SCAMP1: variants seen among roughly 807,000 people sequenced by gnomAD.
The protein encoded by SCAMP1 is secretory carrier membrane protein 1.
SCAMP1 carries 15 observed loss-of-function variants against 41.8 expected under a neutral mutation model. The observed-to-expected ratio is 0.36, with a 90% confidence interval of 0.24 to 0.55. SCAMP1 has a LOEUF of 0.55. Ranked by LOEUF, SCAMP1 falls within the 20% of genes least tolerant of loss-of-function variation. The pLI is 0.86. For missense variants in SCAMP1, 341 were observed against 412.6 expected, an observed-to-expected ratio of 0.83 and a Z score of 1.50; for synonymous variants, 135 against 136.8, an observed-to-expected ratio of 0.99 and a Z score of 0.09.
Position 78,480,603 on chromosome 5 carries a change from A to G in SCAMP1, c.*4935A>G, listed in dbSNP as rs2112269652. On this transcript the variant is annotated 3_prime_UTR_variant, in exon 9 of 9. Transcript: ENST00000621999. ...TCTACAGTATTCTAGTCTCCTGCAC[A>G]AAAACTGAACCCACTGGGCCTATGC... Among the ~76,000 whole-genome samples the G allele has an allele frequency of 6.6e-6, 1 of 152,318 alleles. No individual in the cohort carries two copies. Among genetic ancestry groups the G allele is most frequent in the African/African-American group, 2.4e-5 (1 of 41,560 alleles).
At chr5:78,362,526 T>C (rs1005956729) in intron 1 of SCAMP1, among the ~76,000 whole-genome samples, 4 of 152,264 alleles carry the variant, frequency 2.6e-5, no homozygotes, top group African/African-American at 9.6e-5. Context: ...CATAACGTTA[T>C]AAATCTTTTT....
chr5:78,464,938 C>T lies in SCAMP1; in HGVS notation c.852+5576C>T, dbSNP rs548095244. Among the ~76,000 whole-genome samples, 561 of 152,258 alleles carry T rather than the reference C, an allele frequency of 3.7e-3. 3 individuals are homozygous for T. The highest frequency in any genetic ancestry group is 0.015 in the South Asian group (73 of 4,816). Reference sequence around the variant, plus strand: ...TCTATTCTTGTCAGACTGTACTGCTCGGTTTCTTCAAATACATCATGTACA... The same window carrying T: ...TCTATTCTTGTCAGACTGTACTGCTTGGTTTCTTCAAATACATCATGTACA... On this transcript the variant is annotated intron_variant, in intron 8 of 8. Transcript: ENST00000621999.
At chr5:78,453,088 C>G (rs1753283584) in intron 7 of SCAMP1, among the ~76,000 whole-genome samples, 1 of 149,596 alleles carries the variant, frequency 6.7e-6, no homozygotes, top group Admixed American at 6.6e-5. Flanking sequence ...GATATTAGCC[C>G]TTTGTCAGAC....
At chr5:78,416,434 G>GT (rs1258954844) in intron 3 of SCAMP1, 107 bp from the exon 4 acceptor site, 1 of 736,296 alleles carries the variant, frequency 1.4e-6, no homozygotes, top group African/African-American at 1.8e-5. Context: ...TTGGAAGTGT[G>GT]TTTGAATTAG....
In SCAMP1 at chr5:78,460,782, T is replaced by G. The variant is rs938477566; in HGVS notation, c.852+1420T>G. ...CTTCCTTCCTTCCTTCCTTCCTTCC[T>G]TCCTTCCTTCCTTCCTTCCTTCCTC... is the stretch of plus-strand genomic sequence containing the variant. On this transcript the variant is annotated intron_variant, in intron 8 of 8. Transcript: ENST00000621999. Among the ~76,000 whole-genome samples, 189 of 44,992 alleles carry G rather than the reference T, an allele frequency of 4.2e-3. 2 individuals carry two copies. Among genetic ancestry groups the G allele is most frequent in the African/African-American group, 0.022 (143 of 6,460 alleles). The allele number at this position is 44,992 out of a possible 152,430, so 29.5% of individuals were successfully genotyped here.
chr5:78,433,529 G>A (rs1275910784), intron 6 of SCAMP1, among the ~76,000 whole-genome samples: 1 of 152,086 alleles, frequency 6.6e-6, no homozygotes, highest in South Asian at 2.1e-4. Context: ...ATTGATCTGG[G>A]TTTGGGTTTT....
At chr5:78,408,532 TATCTTGTCCATG>T (rs1751990324) in intron 2 of SCAMP1, among the ~76,000 whole-genome samples, 1 of 152,178 alleles carries the variant, frequency 6.6e-6, no homozygotes, top group South Asian at 2.1e-4. Flanking sequence ...GATGTTGGAT[TATCTTGTCCATG>T]TGGGTAGTGG....
rs3058233 is a variant in SCAMP1 at position 78,404,453 on chromosome 5, G to GTTTTTTTTTTTTTTT, written c.136-11061_136-11047dup. Among the ~76,000 whole-genome samples the GTTTTTTTTTTTTTTT allele has an allele frequency of 1.4e-3, 140 of 98,164 alleles. 12 individuals are homozygous for GTTTTTTTTTTTTTTT. Among genetic ancestry groups the GTTTTTTTTTTTTTTT allele is most frequent in the African/African-American group, 5.9e-3 (132 of 22,224 alleles). 64.4% of individuals were successfully genotyped at this position (98,164 alleles called of 152,430 possible). A position where few individuals can be genotyped will look rare whatever the true frequency, so the allele number is the denominator to read the frequency against. ...TGAGCCACTGTGCCCAGCCTTACAG[G>GTTTTTTTTTTTTTTT]TTTTTTTTTTTTTTTTTTTTGCTAG... On this transcript the variant is annotated intron_variant, in intron 2 of 8. Transcript: ENST00000621999.
rs149206595 is a variant in SCAMP1 at position 78,377,516 on chromosome 5, C to A, written c.58-11321C>A. Among the ~76,000 whole-genome samples the A allele has an allele frequency of 1.8e-3, 267 of 152,244 alleles. 2 individuals carry two copies. In the Middle Eastern group the frequency reaches 0.051, roughly 29 times the overall value. The stretch of plus-strand genomic sequence containing the variant: ...TCGTGTCCAATTCTAAAGATAGTTG[C>A]CTTTGGCACAGAGGCCAGTTTCTTA... On this transcript the variant is annotated intron_variant, in intron 1 of 8. Transcript: ENST00000621999.
intron 6 of SCAMP1, among the ~76,000 whole-genome samples, chr5:78,430,197 CAGTATTTATTTATAAA>C (rs1752578230): frequency 7.8e-5 from 1 of 12,742 alleles, no homozygotes; most frequent in African/African-American, 2.0e-4. Context: ...TTTATAAATA[CAGTATTTATTTATAAA>C]TACAGTATTT....
intron 4 of SCAMP1, among the ~76,000 whole-genome samples, chr5:78,417,465 T>C (rs964736266): frequency 1.3e-5 from 2 of 152,190 alleles, no homozygotes; most frequent in Non-Finnish European, 2.9e-5. Flanking sequence ...CTAAAATCCA[T>C]CCTATTTCTT....
intron 7 of SCAMP1, among the ~76,000 whole-genome samples, chr5:78,457,251 G>T (rs1213399728): frequency 6.6e-6 from 1 of 152,240 alleles, no homozygotes. Flanking sequence ...TTTGGTAGAG[G>T]AGAGGCGCTC....
chr5:78,364,600 T>G (rs1488049045), intron 1 of SCAMP1, among the ~76,000 whole-genome samples: 1 of 152,168 alleles, frequency 6.6e-6, no homozygotes, highest in East Asian at 1.9e-4. Flanking sequence ...TGACACTGTA[T>G]GTGCTCCCTG....
In SCAMP1 at chr5:78,479,867, CCCA is replaced by C. The variant is rs1754095998; in HGVS notation, c.*4200_*4202del. Reference sequence around the variant, plus strand: ...ACCATCCTGGCTAACATGGTGAAACCCCATCTCTACTAAAAATACAAAAAAAAA... The same window carrying C: ...ACCATCCTGGCTAACATGGTGAAACCTCTCTACTAAAAATACAAAAAAAAA... On this transcript the variant is annotated 3_prime_UTR_variant, in exon 9 of 9. Coordinates refer to ENST00000621999, the MANE Select transcript of SCAMP1 (RefSeq NM_004866.6). 6.6e-6 allele frequency among the ~76,000 whole-genome samples: 1 copy of C among 151,132 alleles called. No individual in the cohort carries two copies. The highest frequency in any genetic ancestry group is 1.5e-5 in the Non-Finnish European group (1 of 67,972).
At chr5:78,448,927 G>A (rs563277892) in intron 6 of SCAMP1, among the ~76,000 whole-genome samples, 84 of 152,034 alleles carry the variant, frequency 5.5e-4, no homozygotes, top group Non-Finnish European at 8.4e-4. Context: ...TTGAACCTGG[G>A]AGGCAGAGGT....
intron 2 of SCAMP1, among the ~76,000 whole-genome samples, chr5:78,396,815 C>CT (rs370983679): frequency 7.7e-4 from 118 of 152,326 alleles, no homozygotes; most frequent in African/African-American, 2.6e-3. Flanking sequence ...TAGTGATAAA[C>CT]TATCAATGCT....
intron 1 of SCAMP1, among the ~76,000 whole-genome samples, chr5:78,372,880 C>CT (rs1317708286): frequency 1.3e-5 from 2 of 151,794 alleles, no homozygotes; most frequent in Non-Finnish European, 2.9e-5. Context: ...AAAAGATAAT[C>CT]TTGCATTATT....
At chr5:78,372,375 G>A (rs1750962896) in intron 1 of SCAMP1, among the ~76,000 whole-genome samples, 1 of 152,086 alleles carries the variant, frequency 6.6e-6, no homozygotes, top group South Asian at 2.1e-4. Context: ...TGGTGGTTAA[G>A]CTTCCCAGGC....
rs530685027 is a variant in SCAMP1 at position 78,411,494 on chromosome 5, A to G, written c.136-4026A>G. On this transcript the variant is annotated intron_variant, in intron 2 of 8. Coordinates refer to ENST00000621999, the MANE Select transcript of SCAMP1 (RefSeq NM_004866.6). Reference sequence around the variant, plus strand: ...AAATAATCCCTATTAACATTTTGATATATTTTCATCTTATTTTAAAATAGG... The same window carrying G: ...AAATAATCCCTATTAACATTTTGATGTATTTTCATCTTATTTTAAAATAGG... Among the ~76,000 whole-genome samples the G allele has an allele frequency of 8.1e-4, 124 of 152,184 alleles. 1 individual carries two copies. The highest frequency in any genetic ancestry group is 1.6e-3 in the Non-Finnish European group (109 of 68,010).
Sources: gnomAD v4.1 joint callset for allele counts (sites outside exome capture counted in the v4.1 genomes callset) on GRCh38, gnomAD v4.1.1 for gene constraint, MANE v1.5 for transcripts, NCBI Gene and HGNC (gene_info 2026-07-23, HGNC 2026-07-21) for gene names.